SIRT1: variants seen among roughly 807,000 people sequenced by gnomAD.
SIRT1 encodes the protein NAD-dependent protein deacetylase sirtuin-1.
SIRT1 carries 24 observed loss-of-function variants against 67.9 expected under a neutral mutation model. The observed-to-expected ratio is 0.35, with a 90% CI of 0.26 to 0.50. The LOEUF (loss-of-function observed/expected upper bound fraction) is 0.50. Among genes scored for constraint, SIRT1 ranks in the 20% least tolerant of loss-of-function variants. The pLI is 0.98. For missense variants in SIRT1, 873 were observed against 937.2 expected (o/e 0.93, Z 0.89); for synonymous variants, 378 against 350.7 (o/e 1.08, Z -0.87).
Position 67,887,403 on chromosome 10 carries a change from G to C in SIRT1, c.431-14G>C. On this transcript the variant is annotated splice_polypyrimidine_tract_variant and intron_variant, in intron 1 of 8. Coordinates refer to ENST00000212015, the MANE Select transcript of SIRT1 (RefSeq NM_012238.5). ...TTGTTTTGATAGCCTTGACTGACTT[G>C]GTTTCTTTTGCAGATAACCTTCTGT... 1 of 1,564,032 alleles carries C rather than the reference G, an allele frequency of 6.4e-7. No individual in the cohort carries two copies. Among genetic ancestry groups the C allele is most frequent in the Non-Finnish European group, 8.8e-7 (1 of 1,135,312 alleles).
chr10:67,912,833 G>T lies in SIRT1; in HGVS notation c.1717G>T (p.Gly573Cys). The change falls in exon 8 of 9, where the codon GGT becomes TGT. Residue 573 changes from glycine to cysteine, a missense_variant. Gly to Cys is a radical substitution (Grantham distance 159, BLOSUM62 -3). Transcript: ENST00000212015. ...NDDLDVSESK[G>C]CMEEKPQEVQ... is the part of the protein sequence containing the mutation. Reference sequence around the variant, plus strand: ...TGATTTAGATGTGTCTGAATCAAAAGGTTGTATGGAAGAAAAACCACAGGA... The same window carrying T: ...TGATTTAGATGTGTCTGAATCAAAATGTTGTATGGAAGAAAAACCACAGGA... The T allele has an allele frequency of 6.2e-7, 1 of 1,614,034 alleles. No individual in the cohort carries two copies. The highest frequency in any genetic ancestry group is 8.5e-7 in the Non-Finnish European group (1 of 1,180,010).
At chr10:67,910,945 C>T (rs1031684074) in intron 7 of SIRT1, among the ~76,000 whole-genome samples, 9 of 152,174 alleles carry the variant, frequency 5.9e-5, no homozygotes, top group Admixed American at 2.0e-4. Context: ...TTAGACCCCA[C>T]ATCAGCAGTC....
intron 4 of SIRT1, among the ~76,000 whole-genome samples, chr10:67,899,655 T>C (rs753477731): frequency 6.6e-6 from 1 of 152,160 alleles, no homozygotes; most frequent in Admixed American, 6.6e-5. Context: ...TTAACAGATA[T>C]ACCTTATTTT....
At chr10:67,913,693 T>G (rs180931070) in intron 8 of SIRT1, among the ~76,000 whole-genome samples, 55 of 152,296 alleles carry the variant, frequency 3.6e-4, no homozygotes, top group Non-Finnish European at 5.6e-4. Context: ...TAAGTCCAAG[T>G]AGTCTGTATG....
rs376958618 is a variant in SIRT1 at position 67,911,874 on chromosome 10, G to A, written c.1358-600G>A. On this transcript the variant is annotated intron_variant, in intron 7 of 8. Coordinates refer to ENST00000212015, the MANE Select transcript of SIRT1 (RefSeq NM_012238.5). ...GCTCACTGCAGTCTCCCGTGTTCAA[G>A]CAGTTCTCCTCCCAAGTAGTTGGGA... 2.1e-5 allele frequency among the ~76,000 whole-genome samples: 3 copies of A among 142,524 alleles called. No homozygotes were observed. The East Asian group carries it at 6.9e-4, about 33-fold the overall frequency. 93.5% of individuals were successfully genotyped at this position (142,524 alleles called of 152,430 possible).
intron 4 of SIRT1, among the ~76,000 whole-genome samples, chr10:67,903,338 GAAGA>G (rs1842771292): frequency 6.6e-6 from 1 of 151,576 alleles, no homozygotes; most frequent in Middle Eastern, 3.4e-3. Flanking sequence ...GAAATTTGGA[GAAGA>G]AAGAAAGGCA....
chr10:67,907,060 A>G, intron 5 of SIRT1, 123 bp downstream of exon 5: 1 of 859,812 alleles, frequency 1.2e-6, no homozygotes, highest in South Asian at 2.5e-5. Context: ...TATCTCATTT[A>G]TCGATAACCT....
In SIRT1 at chr10:67,917,026, G is replaced by A. The variant is rs1398460625; in HGVS notation, c.*433G>A. ...AAGAATGGTATTTTCACTTTTCTTT[G>A]TAACATTGAATGGTTTGAAGTACTC... On this transcript the variant is annotated 3_prime_UTR_variant, in exon 9 of 9. Transcript: ENST00000212015. 1 of 152,720 alleles carries A rather than the reference G, an allele frequency of 6.5e-6. No individual in the cohort carries two copies. Among genetic ancestry groups the A allele is most frequent in the Non-Finnish European group, 1.5e-5 (1 of 68,162 alleles). 9.5% of individuals were successfully genotyped at this position (152,720 alleles called of 1,614,324 possible).
rs1364332887 is a variant in SIRT1 at position 67,888,921 on chromosome 10, C to T, written c.587C>T (p.Thr196Ile). ...TFVQQHLMIG[T>I]DPRTILKDLL... is the part of the protein sequence containing the mutation. ...GTTCAGCAACATCTTATGATTGGCA[C>T]AGATCCTCGAACAATTCTTAAAGAT... Residue 196 changes from threonine to isoleucine, a missense_variant, in exon 3 of 9, where the codon ACA (threonine) becomes ATA (isoleucine). By Grantham distance (89) the Thr-to-Ile change is moderately conservative (BLOSUM62 -1). Coordinates refer to ENST00000212015, the MANE Select transcript of SIRT1 (RefSeq NM_012238.5). 1 of 1,613,812 alleles carries T rather than the reference C, an allele frequency of 6.2e-7. No homozygotes were observed. The highest frequency in any genetic ancestry group is 1.7e-5 in the Admixed American group (1 of 60,010).
intron 4 of SIRT1, chr10:67,906,395 T>A (rs888489906): frequency 3.4e-5 from 35 of 1,042,210 alleles, no homozygotes; most frequent in Middle Eastern, 2.6e-4. Flanking sequence ...CTTTTTTTTT[T>A]AAATCACCCT....
chr10:67,885,324 C>T (rs1254483536), intron 1 of SIRT1, 173 bp downstream of exon 1: 2 of 1,240,084 alleles, frequency 1.6e-6, no homozygotes, highest in East Asian at 6.3e-5. Context: ...TCCTACTGCG[C>T]GAGCTGCCAG....
intron 5 of SIRT1, among the ~76,000 whole-genome samples, chr10:67,907,326 C>A (rs1842834387): frequency 6.6e-6 from 1 of 151,900 alleles, no homozygotes; most frequent in Non-Finnish European, 1.5e-5. Context: ...GAAATCCCAA[C>A]TCTACTAGAA....
At position 67,887,533 on chromosome 10, in the gene SIRT1, G is replaced by A; in HGVS notation, c.547G>A (p.Gly183Ser). 1.3e-6 allele frequency: 2 copies of A among 1,584,402 alleles called. No homozygotes were observed. The highest frequency in any genetic ancestry group is 1.7e-6 in the Non-Finnish European group (2 of 1,153,302). Residue 183 changes from glycine (G) to serine (S), a missense_variant and splice_region_variant, in exon 2 of 9, where the codon GGT becomes AGT. Around this residue, in one of 3 missense-constraint regions of SIRT1, gnomAD observed 327 missense variants for 283.9 expected, o/e 1.15. Coordinates refer to ENST00000212015, the MANE Select transcript of SIRT1 (RefSeq NM_012238.5). ...SSDWTPRPRI[G>S]PYTFVQQHLM... ...TGACTGGACTCCAAGGCCACGGATA[G>A]GTATGGCTCAGAGCTGTTAATTTTA... is the stretch of plus-strand genomic sequence containing the variant.
intron 4 of SIRT1, among the ~76,000 whole-genome samples, chr10:67,893,807 T>C (rs928636288): frequency 3.3e-5 from 5 of 152,202 alleles, no homozygotes; most frequent in African/African-American, 1.2e-4. Context: ...CCTCCCAAAG[T>C]GCTGGGATTA....
At chr10:67,913,839 T>C (rs2131891671) in intron 8 of SIRT1, among the ~76,000 whole-genome samples, 1 of 152,308 alleles carries the variant, frequency 6.6e-6, no homozygotes, top group Non-Finnish European at 1.5e-5. Context: ...GACAACTGTA[T>C]TTGAGTATTC....
chr10:67,914,554 T>G (rs1384229630), intron 8 of SIRT1, among the ~76,000 whole-genome samples: 1 of 152,218 alleles, frequency 6.6e-6, no homozygotes. Context: ...TGCTACTGAC[T>G]TAGATACACA....
intron 4 of SIRT1, among the ~76,000 whole-genome samples, chr10:67,893,135 T>G (rs971550152): frequency 2.7e-4 from 41 of 150,104 alleles, no homozygotes; most frequent in Non-Finnish European, 4.9e-4. Flanking sequence ...AAGAGTCATT[T>G]TATTTTATTT....
chr10:67,901,662 T>TA (rs1321560206), intron 4 of SIRT1, among the ~76,000 whole-genome samples: 1 of 152,248 alleles, frequency 6.6e-6, no homozygotes, highest in Non-Finnish European at 1.5e-5. Context: ...ACGTGGTACA[T>TA]ACTAAAATTT....
chr10:67,892,572 A>G (rs1589070775), intron 4 of SIRT1, among the ~76,000 whole-genome samples: 1 of 152,008 alleles, frequency 6.6e-6, no homozygotes, highest in East Asian at 1.9e-4. Flanking sequence ...GTGTTTCCAA[A>G]ATATATGTAT....
Sources: allele counts gnomAD v4.1 joint callset (sites outside exome capture counted in the v4.1 genomes callset), GRCh38; gene constraint gnomAD v4.1.1; regional missense constraint gnomAD v4.1.1; transcripts MANE v1.5; gene names NCBI Gene and HGNC (gene_info 2026-07-23, HGNC 2026-07-21).